Variants in CFD observed in about 807,000 individuals in gnomAD.
CFD encodes the protein C3 convertase activator.
Under a neutral mutation model 21.1 loss-of-function variants are expected in CFD, and 24 were observed. That is an observed-to-expected ratio of 1.14 (90% CI 0.82 to 1.60). The LOEUF is 1.60. Among genes scored for constraint, CFD ranks in the 40% most tolerant of loss-of-function variants. The pLI is 0.00. For missense variants in CFD, 535 were observed against 383.3 expected, an observed-to-expected ratio of 1.40 and a Z score of -3.31; for synonymous variants, 242 against 175.9, an observed-to-expected ratio of 1.38 and a Z score of -2.97.
At position 863,201 on chromosome 19, in the gene CFD, C is replaced by T; in HGVS notation, c.725C>T (p.Ala242Val). ...AAGCCCGGGATCTACACCCGCGTGG[C>T]GAGCTATGCGGCCTGGATCGACAGC... Reference protein sequence around the residue: ...RKKPGIYTRVASYAAWIDSVL... With the variant: ...RKKPGIYTRVVSYAAWIDSVL... Residue 242 changes from alanine to valine, a missense_variant, in exon 5 of 5, where the codon GCG becomes GTG. Physicochemically the swap from Ala to Val is moderately conservative, Grantham distance 64. Transcript: ENST00000327726. 6.5e-7 allele frequency: 1 copy of T among 1,540,958 alleles called. No homozygotes were observed. Among genetic ancestry groups the T allele is most frequent in the Non-Finnish European group, 8.7e-7 (1 of 1,149,182 alleles).
Position 861,768 on chromosome 19 carries a change from G to A in CFD, c.427G>A (p.Ala143Thr). Residue 143 changes from alanine (A) to threonine (T), a missense_variant, in exon 4 of 5, where the codon GCA (alanine) becomes ACA (threonine). Coordinates refer to ENST00000327726, the MANE Select transcript of CFD (RefSeq NM_001928.4). ...CTGGCAGCGCGTGGACCGCGACGTG[G>A]CACCGGGAACTCTCTGCGACGTGGC... ...LPWQRVDRDV[A>T]PGTLCDVAGW... 1 of 1,605,954 alleles carries A rather than the reference G, an allele frequency of 6.2e-7. No individual in the cohort carries two copies.
rs958262314 is a variant in CFD, at chr19:863,119, G to T, written c.643G>T (p.Gly215Trp). The T allele has an allele frequency of 5.2e-6, 8 of 1,531,386 alleles. No homozygotes were observed. The African/African-American group carries it at 9.6e-5, about 18-fold the overall frequency. The allele number at this position is 1,531,386 out of a possible 1,614,324, so 94.9% of individuals were successfully genotyped here. A position where few individuals can be genotyped will look rare whatever the true frequency, so the allele number is the denominator to read the frequency against. ...TGACTCCGGGGGCCCGCTGGTGTGC[G>T]GGGGCGTGCTCGAGGGCGTGGTCAC... ...KGDSGGPLVCGGVLEGVVTSG... is the reference protein window; with the variant it reads ...KGDSGGPLVCWGVLEGVVTSG... Residue 215 changes from glycine (G) to tryptophan (W), a missense_variant, in exon 5 of 5, where the codon GGG (glycine) becomes TGG (tryptophan). Gly to Trp is a radical substitution (Grantham distance 184). Transcript: ENST00000327726.
In CFD at chr19:860,885, C is replaced by T. The variant is rs1400160407; in HGVS notation, c.237C>T (p.Leu79=). 3.8e-6 allele frequency: 6 copies of T among 1,583,708 alleles called. No individual in the cohort carries two copies. Among genetic ancestry groups the T allele is most frequent in the Non-Finnish European group, 5.1e-6 (6 of 1,170,724 alleles). ...EDAADGKVQV[L]LGAHSLSQPE... is the part of the protein sequence containing the mutation. ...GGGCCGACGGGAAGGTGCAGGTTCTCCTGGGCGCGCACTCCCTGTCGCAGC... is the reference window on the plus strand; with the variant it reads ...GGGCCGACGGGAAGGTGCAGGTTCTTCTGGGCGCGCACTCCCTGTCGCAGC... The change falls in exon 3 of 5, where the codon CTC becomes CTT. Residue 79 remains leucine (L), a synonymous_variant. Coordinates refer to ENST00000327726, the MANE Select transcript of CFD (RefSeq NM_001928.4).
Position 859,713 on chromosome 19 carries a change from A to AAG in CFD, c.24_25insAG (p.Val9ArgfsTer6), listed in dbSNP as rs1270679265. 6.3e-7 allele frequency: 1 copy of AAG among 1,574,922 alleles called. No homozygotes were observed. Among genetic ancestry groups the AAG allele is most frequent in the East Asian group, 2.3e-5 (1 of 43,096 alleles). ...CCATGCACAGCTGGGAGCGCCTGGC[A>AAG]GTTCTGGTCCTCCTAGGAGCGGCCG... On this transcript the variant is annotated frameshift_variant, in exon 1 of 5. Transcript: ENST00000327726. LOFTEE classifies it high-confidence loss of function.
At position 863,125 on chromosome 19, in the gene CFD, G is replaced by T; in HGVS notation, c.649G>T (p.Val217Leu). The change falls in exon 5 of 5, where the codon GTG becomes TTG. Residue 217 changes from valine (V) to leucine (L), a missense_variant. Coordinates refer to ENST00000327726, the MANE Select transcript of CFD (RefSeq NM_001928.4). ...DSGGPLVCGG[V>L]LEGVVTSGSR... ...CGGGGGCCCGCTGGTGTGCGGGGGC[G>T]TGCTCGAGGGCGTGGTCACCTCGGG... 1 of 1,532,184 alleles carries T rather than the reference G, an allele frequency of 6.5e-7. No individual in the cohort carries two copies. Among genetic ancestry groups the T allele is most frequent in the South Asian group, 1.2e-5 (1 of 83,942 alleles). 94.9% of individuals were successfully genotyped at this position (1,532,184 alleles called of 1,614,324 possible).
chr19:862,251 G>A (rs932021464), intron 4 of CFD, among the ~76,000 whole-genome samples: 1 of 138,628 alleles, frequency 7.2e-6, no homozygotes, highest in Non-Finnish European at 1.6e-5. Context: ...GGGCAGGAAC[G>A]GGTGGGATGT....
chr19:860,863 C>A lies in CFD; in HGVS notation c.215C>A (p.Ala72Asp). ...LSAAHCLEDAADGKVQVLLGA... is the reference protein window; with the variant it reads ...LSAAHCLEDADDGKVQVLLGA... ...CGCGGACTCCGTCCGGTCCCCAGGG[C>A]CGACGGGAAGGTGCAGGTTCTCCTG... The change falls in exon 3 of 5, where the codon GCC becomes GAC. Residue 72 changes from alanine (A) to aspartate (D), a missense_variant and splice_region_variant. Ala to Asp is a moderately radical substitution (Grantham distance 126). Transcript: ENST00000327726. 6.4e-7 allele frequency: 1 copy of A among 1,570,830 alleles called. No individual in the cohort carries two copies. Among genetic ancestry groups the A allele is most frequent in the Non-Finnish European group, 8.6e-7 (1 of 1,164,612 alleles).
Position 863,270 on chromosome 19 carries a change from A to G in CFD, c.*32A>G. 9 of 1,545,614 alleles carry G rather than the reference A, an allele frequency of 5.8e-6. No individual in the cohort carries two copies. Among genetic ancestry groups the G allele is most frequent in the Non-Finnish European group, 7.8e-6 (9 of 1,152,006 alleles). On this transcript the variant is annotated 3_prime_UTR_variant, in exon 5 of 5. Coordinates refer to ENST00000327726, the MANE Select transcript of CFD (RefSeq NM_001928.4). ...GGGGCCTGAAGGTCAGGGTCACCCA[A>G]GCAACAAAGTCCCGAGCAATGAAGT...
intron 1 of CFD, among the ~76,000 whole-genome samples, chr19:860,334 G>T (rs887564738): frequency 3.9e-5 from 6 of 151,960 alleles, no homozygotes; most frequent in African/African-American, 1.4e-4. Flanking sequence ...GAGATTATAG[G>T]CCACGCCGAC....
At chr19:860,577 G>C in intron 1 of CFD, 40 bp from the exon 2 acceptor site, 1 of 1,388,038 alleles carries the variant, frequency 7.2e-7, no homozygotes, top group Non-Finnish European at 9.3e-7. Flanking sequence ...CCCGGGGGAG[G>C]AGTCCACCCC....
In CFD at chr19:863,304, C is replaced by T; in HGVS notation, c.*66C>T. 6.6e-7 allele frequency: 1 copy of T among 1,525,250 alleles called. No individual in the cohort carries two copies. Among genetic ancestry groups the T allele is most frequent in the South Asian group, 1.2e-5 (1 of 83,912 alleles). The allele number at this position is 1,525,250 out of a possible 1,614,324, so 94.5% of individuals were successfully genotyped here. On this transcript the variant is annotated 3_prime_UTR_variant, in exon 5 of 5. Transcript: ENST00000327726. The stretch of plus-strand genomic sequence containing the variant: ...GTCCCGAGCAATGAAGTCATCCACT[C>T]CTGCATCTGGTTGGTCTTTATTGAG...
intron 3 of CFD, 32 bp downstream of exon 3, chr19:861,037 G>A (rs1428084095): frequency 6.3e-7 from 1 of 1,590,734 alleles, no homozygotes; most frequent in Non-Finnish European, 8.5e-7. Context: ...CCCTCCTGCG[G>A]CGCTGGGATC....
chr19:862,106 G>A, intron 4 of CFD, 150 bp downstream of exon 4: 1 of 1,264,456 alleles, frequency 7.9e-7, no homozygotes, highest in Non-Finnish European at 1.1e-6. Flanking sequence ...GGCGGAGCAT[G>A]AGGGTGGCCC....
In CFD at chr19:863,111, TGGTGTGCGGG is replaced by T; in HGVS notation, c.638_647del (p.Val213AlafsTer96). 6.6e-7 allele frequency: 1 copy of T among 1,525,896 alleles called. No individual in the cohort carries two copies. Among genetic ancestry groups the T allele is most frequent in the Non-Finnish European group, 8.8e-7 (1 of 1,138,930 alleles). The allele number at this position is 1,525,896 out of a possible 1,614,324, so 94.5% of individuals were successfully genotyped here. A position where few individuals can be genotyped will look rare whatever the true frequency, so the allele number is the denominator to read the frequency against. ...CGGCAGGGTGACTCCGGGGGCCCGCTGGTGTGCGGGGGCGTGCTCGAGGGCGTGGTCACCT... is the reference window on the plus strand; with the variant it reads ...CGGCAGGGTGACTCCGGGGGCCCGCTGGCGTGCTCGAGGGCGTGGTCACCT... On this transcript the variant is annotated frameshift_variant, in exon 5 of 5. Coordinates refer to ENST00000327726, the MANE Select transcript of CFD (RefSeq NM_001928.4). LOFTEE classifies it low-confidence loss of function (END_TRUNC).
At chr19:862,173 C>T (rs1300624478) in intron 4 of CFD, among the ~76,000 whole-genome samples, 1 of 84,412 alleles carries the variant, frequency 1.2e-5, no homozygotes, top group Non-Finnish European at 2.3e-5. Context: ...GCCTTGGGGG[C>T]GAGGCCTGGA....
At position 863,110 on chromosome 19, in the gene CFD, C is replaced by T; in HGVS notation, c.634C>T (p.Leu212=). The T allele has an allele frequency of 6.6e-7, 1 of 1,526,532 alleles. No homozygotes were observed. The highest frequency in any genetic ancestry group is 8.8e-7 in the Non-Finnish European group (1 of 1,139,226). The allele number at this position is 1,526,532 out of a possible 1,614,324, so 94.6% of individuals were successfully genotyped here. The change falls in exon 5 of 5, where the codon CTG becomes TTG. Residue 212 remains leucine (L), a synonymous_variant. Transcript: ENST00000327726. ...CCGGCAGGGTGACTCCGGGGGCCCG[C>T]TGGTGTGCGGGGGCGTGCTCGAGGG... is the stretch of plus-strand genomic sequence containing the variant. The part of the protein sequence containing the change: ...DSCKGDSGGP[L]VCGGVLEGVV...
chr19:863,031 C>T, intron 4 of CFD, 61 bp from the exon 5 acceptor site: 2 of 1,459,340 alleles, frequency 1.4e-6, no homozygotes, highest in Non-Finnish European at 1.8e-6. Flanking sequence ...GTGAGGGGGT[C>T]TAACACGTGA....
rs1160171143 is a variant in CFD, at chr19:863,249, C to T, written c.*11C>T. 3 of 1,547,258 alleles carry T rather than the reference C, an allele frequency of 1.9e-6. No homozygotes were observed. Among genetic ancestry groups the T allele is most frequent in the South Asian group, 1.2e-5 (1 of 84,710 alleles). ...AGCGTCCTGGCCTAGGGTGCCGGGG[C>T]CTGAAGGTCAGGGTCACCCAAGCAA... On this transcript the variant is annotated 3_prime_UTR_variant, in exon 5 of 5. Coordinates refer to ENST00000327726, the MANE Select transcript of CFD (RefSeq NM_001928.4).
rs992866642 is a variant in CFD at position 860,690 on chromosome 19, G to A, written c.129G>A (p.Val43=). Reference sequence around the variant, plus strand: ...ACGCGCGGCCCTACATGGCGTCGGTGCAGCTGAACGGCGCGCACCTGTGCG... The same window carrying A: ...ACGCGCGGCCCTACATGGCGTCGGTACAGCTGAACGGCGCGCACCTGTGCG... ...EAHARPYMAS[V]QLNGAHLCGG... is the part of the protein sequence containing the mutation. Residue 43 remains valine (V), a synonymous_variant, in exon 2 of 5, where the codon GTG becomes GTA. Coordinates refer to ENST00000327726, the MANE Select transcript of CFD (RefSeq NM_001928.4). The A allele has an allele frequency of 1.3e-6, 2 of 1,548,212 alleles. No homozygotes were observed. Among genetic ancestry groups the A allele is most frequent in the Middle Eastern group, 2.3e-4 (1 of 4,376 alleles).
Sources: gnomAD v4.1 joint callset for allele counts (sites outside exome capture counted in the v4.1 genomes callset) on GRCh38, gnomAD v4.1.1 for gene constraint, MANE v1.5 for transcripts, NCBI Gene and HGNC (gene_info 2026-07-23, HGNC 2026-07-21) for gene names.